The following SNTG1 variants were observed in gnomAD, a reference collection of about 807,000 sequenced individuals.
The protein encoded by SNTG1 is syntrophin gamma 1.
In SNTG1, 39 loss-of-function variants were observed where a neutral mutation model predicts 74.7. That is an observed-to-expected ratio of 0.52 (90% CI 0.40 to 0.68). SNTG1 has a LOEUF of 0.68. Ranked by LOEUF, SNTG1 falls within the 30% of genes least tolerant of loss-of-function variation. The pLI is 0.00. For missense variants in SNTG1, 685 were observed against 609.5 expected, an observed-to-expected ratio of 1.12 and a Z score of -1.30; for synonymous variants, 254 against 217.1, an observed-to-expected ratio of 1.17 and a Z score of -1.49.
At chr8:50,565,546 TAAC>T (rs1173640911) in intron 12 of SNTG1, among the ~76,000 whole-genome samples, 3 of 152,070 alleles carry the variant, frequency 2.0e-5, no homozygotes, top group Non-Finnish European at 2.9e-5. Flanking sequence ...CCCCAGGTAT[TAAC>T]AAACTTGTGA....
chr8:50,000,294 C>T (rs1814623618), intron 1 of SNTG1, among the ~76,000 whole-genome samples: 2 of 151,986 alleles, frequency 1.3e-5, no homozygotes, highest in African/African-American at 4.8e-5. Flanking sequence ...TATTCCAGTT[C>T]AGATTTTAAG....
chr8:50,025,475 A>C (rs952230030), intron 1 of SNTG1, among the ~76,000 whole-genome samples: 19 of 152,296 alleles, frequency 1.2e-4, no homozygotes, highest in African/African-American at 2.9e-4. Flanking sequence ...GATAGCCACC[A>C]GGCAAAAAGT....
At chr8:50,486,245 G>A (rs1446215549) in intron 8 of SNTG1, among the ~76,000 whole-genome samples, 3 of 145,788 alleles carry the variant, frequency 2.1e-5, no homozygotes, top group South Asian at 4.5e-4. Context: ...TGGGCAGTAT[G>A]GCCATTTTCA....
intron 1 of SNTG1, among the ~76,000 whole-genome samples, chr8:50,092,316 G>C (rs1161781973): frequency 2.0e-5 from 3 of 152,108 alleles, no homozygotes; most frequent in African/African-American, 7.2e-5. Flanking sequence ...CATCAGATTT[G>C]GGAGGTTTTT....
intron 8 of SNTG1, among the ~76,000 whole-genome samples, chr8:50,495,722 G>A (rs2131911809): frequency 6.6e-6 from 1 of 152,152 alleles, no homozygotes; most frequent in East Asian, 1.9e-4. Context: ...TCCTGCCCAT[G>A]GCTAGCAACT....
chr8:49,977,478 G>T (rs1371996753), intron 1 of SNTG1, among the ~76,000 whole-genome samples: 1 of 152,134 alleles, frequency 6.6e-6, no homozygotes, highest in Admixed American at 6.5e-5. Flanking sequence ...TTACTAGTTA[G>T]ATCTCATCTT....
chr8:50,556,175 G>T (rs1459355632), intron 12 of SNTG1, among the ~76,000 whole-genome samples: 2 of 152,132 alleles, frequency 1.3e-5, no homozygotes, highest in Non-Finnish European at 2.9e-5. Context: ...TACAATAGTT[G>T]TTAATATTTA....
intron 9 of SNTG1, among the ~76,000 whole-genome samples, chr8:50,528,436 T>C (rs1267703188): frequency 6.6e-6 from 1 of 152,006 alleles, no homozygotes; most frequent in African/African-American, 2.4e-5. Context: ...CTTTAGCCTT[T>C]TGATATGGTA....
At position 50,603,608 on chromosome 8, in the gene SNTG1, ATTT is replaced by A. The variant is rs575568605; in HGVS notation, c.849+12692_849+12694del. 2.6e-5 allele frequency among the ~76,000 whole-genome samples: 4 copies of A among 152,016 alleles called. No homozygotes were observed. The South Asian group carries it at 8.3e-4, about 32-fold the overall frequency. On this transcript the variant is annotated intron_variant, in intron 13 of 18. Coordinates refer to ENST00000642720, the MANE Select transcript of SNTG1 (RefSeq NM_018967.5). ...GCATCTGGGCATTGAAAATTTGGAT[ATTT>A]ATTGTAGTCCTCACAGTCTAGGCTT...
At chr8:50,652,124 T>G (rs555979195) in intron 13 of SNTG1, among the ~76,000 whole-genome samples, 1 of 152,190 alleles carries the variant, frequency 6.6e-6, no homozygotes, top group Admixed American at 6.5e-5. Flanking sequence ...GAGGGGGATA[T>G]TCTAATTTTT....
intron 1 of SNTG1, among the ~76,000 whole-genome samples, chr8:49,924,394 C>A (rs990667018): frequency 6.6e-6 from 1 of 152,162 alleles, no homozygotes; most frequent in African/African-American, 2.4e-5. Flanking sequence ...GGGGCAAATA[C>A]AGATAATAAC....
intron 2 of SNTG1, among the ~76,000 whole-genome samples, chr8:50,339,558 G>T (rs1040191714): frequency 3.3e-5 from 5 of 151,838 alleles, no homozygotes; most frequent in African/African-American, 1.2e-4. Context: ...TATCCATGAA[G>T]TGTTTTAGTA....
intron 13 of SNTG1, among the ~76,000 whole-genome samples, chr8:50,620,760 T>C (rs1338606150): frequency 2.0e-5 from 3 of 152,124 alleles, no homozygotes; most frequent in Admixed American, 2.0e-4. Flanking sequence ...TAAATAAAAG[T>C]CTCACTCAAG....
At chr8:50,670,262 G>T (rs2095273504) in intron 15 of SNTG1, among the ~76,000 whole-genome samples, 1 of 152,156 alleles carries the variant, frequency 6.6e-6, no homozygotes, top group Non-Finnish European at 1.5e-5. Context: ...GTCCCTGTTT[G>T]CAGATGACAT....
chr8:50,463,707 AT>A (rs1563422210), intron 8 of SNTG1, among the ~76,000 whole-genome samples: 1 of 152,120 alleles, frequency 6.6e-6, no homozygotes, highest in African/African-American at 2.4e-5. Flanking sequence ...AGTCGCTAGC[AT>A]TTTCAAAATG....
chr8:50,645,350 T>TA (rs1342389550), intron 13 of SNTG1, among the ~76,000 whole-genome samples: 2 of 152,112 alleles, frequency 1.3e-5, no homozygotes, highest in Non-Finnish European at 2.9e-5. Context: ...GTAATTTTTT[T>TA]TATATAATTT....
intron 1 of SNTG1, among the ~76,000 whole-genome samples, chr8:50,013,265 GC>G (rs1815986901): frequency 6.6e-6 from 1 of 152,048 alleles, no homozygotes; most frequent in African/African-American, 2.4e-5. Flanking sequence ...GTAGAAGACT[GC>G]AAAGATTAAG....
intron 17 of SNTG1, among the ~76,000 whole-genome samples, chr8:50,721,260 G>A (rs2095486922): frequency 6.6e-6 from 1 of 152,140 alleles, no homozygotes; most frequent in South Asian, 2.1e-4. Flanking sequence ...GGAGCTAGCA[G>A]CCAGCTTTGT....
At chr8:50,313,912 A>T (rs767545362) in intron 2 of SNTG1, among the ~76,000 whole-genome samples, 1 of 150,142 alleles carries the variant, frequency 6.7e-6, no homozygotes. Flanking sequence ...CTGAAATACA[A>T]GGATTGTTTT....
Sources: allele counts gnomAD v4.1 joint callset (sites outside exome capture counted in the v4.1 genomes callset), GRCh38; gene constraint gnomAD v4.1.1; transcripts MANE v1.5; gene names NCBI Gene and HGNC (gene_info 2026-07-23, HGNC 2026-07-21).